The following DENND5B variants were observed in gnomAD, a reference collection of about 807,000 sequenced individuals.
DENND5B encodes the protein DENN domain-containing protein 5B.
In DENND5B, 34 loss-of-function variants were observed where a neutral mutation model predicts 140.6. The ratio of observed to expected loss-of-function variants is 0.24; its 90% CI spans 0.18 to 0.32. DENND5B has a LOEUF of 0.32. Ranked by LOEUF, DENND5B falls within the 10% of genes least tolerant of loss-of-function variation. DENND5B has a pLI of 1.00. For synonymous variants in DENND5B, 551 were observed against 562.1 expected, an observed-to-expected ratio of 0.98 and a Z score of 0.28; for missense variants, 1,142 against 1,560.2, an observed-to-expected ratio of 0.73 and a Z score of 4.52.
At chr12:31,407,443 T>C (rs950617549) in intron 14 of DENND5B, among the ~76,000 whole-genome samples, 1 of 152,190 alleles carries the variant, frequency 6.6e-6, no homozygotes, top group Non-Finnish European at 1.5e-5. Context: ...TTTAAAACTG[T>C]ATATAACTTT....
chr12:31,559,134 C>T (rs965691299), intron 1 of DENND5B, among the ~76,000 whole-genome samples: 1 of 152,078 alleles, frequency 6.6e-6, no homozygotes, highest in Non-Finnish European at 1.5e-5. Context: ...ATAGAAAATT[C>T]TCATGGGAGA....
In DENND5B at chr12:31,426,417, A is replaced by G; in HGVS notation, c.2114T>C (p.Met705Thr). Residue 705 changes from methionine to threonine, a missense_variant, in exon 9 of 21, where the codon ATG becomes ACG. Transcript: ENST00000389082. Reference sequence around the variant, plus strand: ...TTTTCCTAAACTTCGTGCCTCTTGCATATATTTCTAAAAAATCAAGGAGTA... The same window carrying G: ...TTTTCCTAAACTTCGTGCCTCTTGCGTATATTTCTAAAAAATCAAGGAGTA... Reference protein sequence around the residue: ...GLDNDLREKYMQEARSLGKNL... With the variant: ...GLDNDLREKYTQEARSLGKNL... 6.2e-7 allele frequency: 1 copy of G among 1,609,856 alleles called. No individual in the cohort carries two copies. The highest frequency in any genetic ancestry group is 1.3e-5 in the African/African-American group (1 of 74,938).
At chr12:31,510,555 G>A (rs1947371615) in intron 1 of DENND5B, among the ~76,000 whole-genome samples, 3 of 152,164 alleles carry the variant, frequency 2.0e-5, no homozygotes, top group South Asian at 2.1e-4. Context: ...TAAGGTCCCC[G>A]TTTCCTTGCA....
intron 8 of DENND5B, among the ~76,000 whole-genome samples, chr12:31,427,083 A>C (rs1454119556): frequency 1.3e-5 from 2 of 152,192 alleles, no homozygotes; most frequent in Non-Finnish European, 2.9e-5. Flanking sequence ...CTCCAAGTGA[A>C]GGTGGCCTCT....
At chr12:31,493,707 T>C (rs1946621591) in intron 2 of DENND5B, among the ~76,000 whole-genome samples, 1 of 152,168 alleles carries the variant, frequency 6.6e-6, no homozygotes. Context: ...GGTGTGCGCC[T>C]GTAATCTCAG....
In DENND5B at chr12:31,445,994, T is replaced by C. The variant is rs1944259323; in HGVS notation, c.1861+1544A>G. Among the ~76,000 whole-genome samples, 8 of 148,742 alleles carry C rather than the reference T, an allele frequency of 5.4e-5. No homozygotes were observed. In the South Asian group the frequency reaches 1.7e-3, roughly 32 times the overall value. ...ACTGCACTCCAGCCTAGGCAACAAG[T>C]GAGACCCTGTCTCAAAAGAAAAAAA... is the stretch of plus-strand genomic sequence containing the variant. On this transcript the variant is annotated intron_variant, in intron 6 of 20. Coordinates refer to ENST00000389082, the MANE Select transcript of DENND5B (RefSeq NM_144973.4).
chr12:31,480,438 T>A (rs1591883534), intron 2 of DENND5B, among the ~76,000 whole-genome samples, 183 bp from the exon 3 acceptor site: 1 of 152,350 alleles, frequency 6.6e-6, no homozygotes, highest in South Asian at 2.1e-4. Context: ...TATAAAATTA[T>A]TCTTAAAAGG....
chr12:31,480,321 G>A (rs1322065621), intron 2 of DENND5B, 66 bp from the exon 3 acceptor site: 13 of 1,342,162 alleles, frequency 9.7e-6, no homozygotes, highest in Non-Finnish European at 1.2e-5. Context: ...AGAAATAAAT[G>A]TTGTTTTTTT....
At chr12:31,443,139 G>T (rs1008378887) in intron 6 of DENND5B, among the ~76,000 whole-genome samples, 8 of 152,112 alleles carry the variant, frequency 5.3e-5, no homozygotes, top group Non-Finnish European at 1.0e-4. Context: ...GCAATGGCGC[G>T]ATCTCAGCTC....
chr12:31,576,442 C>G (rs888466533), intron 1 of DENND5B, among the ~76,000 whole-genome samples: 1 of 148,664 alleles, frequency 6.7e-6, no homozygotes, highest in Non-Finnish European at 1.5e-5. Flanking sequence ...GGAGACAGAG[C>G]AACACACCAT....
At chr12:31,475,365 C>T (rs1160146590) in intron 3 of DENND5B, among the ~76,000 whole-genome samples, 1 of 150,562 alleles carries the variant, frequency 6.6e-6, no homozygotes, top group Non-Finnish European at 1.5e-5. Flanking sequence ...GAGTATAAAA[C>T]CATATCCATA....
At chr12:31,429,124 G>A (rs1371809511) in intron 8 of DENND5B, among the ~76,000 whole-genome samples, 1 of 151,266 alleles carries the variant, frequency 6.6e-6, no homozygotes, top group Non-Finnish European at 1.5e-5. Context: ...CGCCCACCTC[G>A]GCCTCCCAAA....
At chr12:31,421,580 T>G (rs1170872725) in intron 11 of DENND5B, among the ~76,000 whole-genome samples, 1 of 152,008 alleles carries the variant, frequency 6.6e-6, no homozygotes, top group African/African-American at 2.4e-5. Context: ...GAAGGAGTCT[T>G]GCTCTGTTGC....
chr12:31,566,037 T>C (rs1222408467), intron 1 of DENND5B, among the ~76,000 whole-genome samples: 2 of 152,050 alleles, frequency 1.3e-5, no homozygotes, highest in Non-Finnish European at 2.9e-5. Flanking sequence ...CCCAACTACT[T>C]GGGAGACTAG....
At chr12:31,479,336 T>C (rs1430972939) in intron 3 of DENND5B, among the ~76,000 whole-genome samples, 1 of 152,206 alleles carries the variant, frequency 6.6e-6, no homozygotes, top group Non-Finnish European at 1.5e-5. Flanking sequence ...TTTCCATTAA[T>C]AAATAAATAT....
At chr12:31,490,489 G>A (rs1444797936) in intron 2 of DENND5B, among the ~76,000 whole-genome samples, 1 of 151,908 alleles carries the variant, frequency 6.6e-6, no homozygotes, top group Non-Finnish European at 1.5e-5. Flanking sequence ...GTGCACACCT[G>A]TAGTCTCAGC....
chr12:31,576,031 C>T (rs755981884), intron 1 of DENND5B, among the ~76,000 whole-genome samples: 41 of 150,854 alleles, frequency 2.7e-4, no homozygotes, highest in Non-Finnish European at 5.6e-4. Flanking sequence ...GTCCCAGCTA[C>T]TCAAGAGGCT....
intron 14 of DENND5B, among the ~76,000 whole-genome samples, chr12:31,405,351 G>T (rs1281218530): frequency 6.6e-6 from 1 of 151,948 alleles, no homozygotes; most frequent in African/African-American, 2.4e-5. Flanking sequence ...CCAGTAGCTG[G>T]GACCAGAGGT....
Position 31,426,421 on chromosome 12 carries a change from A to C in DENND5B, c.2110T>G (p.Tyr704Asp), listed in dbSNP as rs1473986302. Residue 704 changes from tyrosine (Y) to aspartate (D), a missense_variant, in exon 9 of 21, where the codon TAT (tyrosine) becomes GAT (aspartate). Physicochemically the swap from Tyr to Asp is radical, Grantham distance 160. Around this residue, in one of 5 missense-constraint regions of DENND5B, gnomAD observed 708 missense variants for 905.5 expected, o/e 0.78. Transcript: ENST00000389082. ...CCTAAACTTCGTGCCTCTTGCATATATTTCTAAAAAATCAAGGAGTATTTT... is the reference window on the plus strand; with the variant it reads ...CCTAAACTTCGTGCCTCTTGCATATCTTTCTAAAAAATCAAGGAGTATTTT... ...VGLDNDLREK[Y>D]MQEARSLGKN... 6.2e-6 allele frequency: 10 copies of C among 1,608,892 alleles called. No homozygotes were observed. The highest frequency in any genetic ancestry group is 8.5e-6 in the Non-Finnish European group (10 of 1,177,754).
Sources: allele counts gnomAD v4.1 joint callset (sites outside exome capture counted in the v4.1 genomes callset), GRCh38; gene constraint gnomAD v4.1.1; regional missense constraint gnomAD v4.1.1; transcripts MANE v1.5; gene names NCBI Gene and HGNC (gene_info 2026-07-23, HGNC 2026-07-21).